The following HCN1 variants were observed in gnomAD, a reference collection of about 807,000 sequenced individuals.
HCN1 encodes potassium/sodium hyperpolarization-activated cyclic nucleotide-gated channel 1.
A neutral mutation model predicts 78.9 loss-of-function variants in HCN1; 13 were observed. The ratio of observed to expected loss-of-function variants is 0.16; its 90% CI spans 0.11 to 0.26. The LOEUF (loss-of-function observed/expected upper bound fraction) is 0.26. HCN1 is among the 10% of genes least tolerant of loss of function. The pLI is 1.00. For synonymous variants in HCN1, 552 were observed against 455.5 expected (o/e 1.21, Z -2.70); for missense variants, 810 against 1,154.3 (o/e 0.70, Z 4.32).
rs1213852490 is a variant in HCN1, at chr5:45,259,850, T to C, written c.*2071A>G. The stretch of plus-strand genomic sequence containing the variant: ...ATAAATTGAAGTTAATTCTCATATT[T>C]TAATAAAATAAAGGAGTTTTGTACT... On this transcript the variant is annotated 3_prime_UTR_variant, in exon 8 of 8. Coordinates refer to ENST00000303230, the MANE Select transcript of HCN1 (RefSeq NM_021072.4). 6.6e-6 allele frequency: 1 copy of C among 152,550 alleles called. No homozygotes were observed. The highest frequency in any genetic ancestry group is 1.5e-5 in the Non-Finnish European group (1 of 67,996). The allele number at this position is 152,550 out of a possible 1,614,324, so 9.4% of individuals were successfully genotyped here. A position where few individuals can be genotyped will look rare whatever the true frequency, so the allele number is the denominator to read the frequency against.
At chr5:45,573,894 G>T (rs1336357370) in intron 2 of HCN1, among the ~76,000 whole-genome samples, 2 of 151,854 alleles carry the variant, frequency 1.3e-5, no homozygotes, top group African/African-American at 4.8e-5. Flanking sequence ...AACAAAAAAA[G>T]ATATTTATTT....
At chr5:45,585,658 A>G (rs1022489866) in intron 2 of HCN1, among the ~76,000 whole-genome samples, 1 of 152,086 alleles carries the variant, frequency 6.6e-6, no homozygotes, top group Admixed American at 6.6e-5. Flanking sequence ...TCATGGTTTT[A>G]TCTACCTGTG....
At chr5:45,500,222 T>C (rs1214047600) in intron 2 of HCN1, among the ~76,000 whole-genome samples, 1 of 152,112 alleles carries the variant, frequency 6.6e-6, no homozygotes, top group Non-Finnish European at 1.5e-5. Context: ...CTAAGACAGG[T>C]AGCCTATGTC....
chr5:45,327,244 A>G (rs1746253645), intron 5 of HCN1, among the ~76,000 whole-genome samples: 1 of 151,704 alleles, frequency 6.6e-6, no homozygotes, highest in East Asian at 1.9e-4. Flanking sequence ...CAATGTCCAG[A>G]AGTATGCTGA....
chr5:45,615,279 T>C (rs547341465), intron 2 of HCN1, among the ~76,000 whole-genome samples: 2 of 152,050 alleles, frequency 1.3e-5, no homozygotes, highest in Non-Finnish European at 2.9e-5. Flanking sequence ...TCATGATCTT[T>C]TGGGAATAGA....
At chr5:45,429,135 T>A (rs1257024812) in intron 3 of HCN1, among the ~76,000 whole-genome samples, 2 of 152,210 alleles carry the variant, frequency 1.3e-5, no homozygotes, top group African/African-American at 4.8e-5. Flanking sequence ...AAGAAGTTAA[T>A]GTGCACTCTG....
chr5:45,695,536 C>T (rs1035726655), intron 1 of HCN1, 133 bp downstream of exon 1: 4 of 863,706 alleles, frequency 4.6e-6, no homozygotes, highest in Non-Finnish European at 3.6e-6. Flanking sequence ...CTGCTTAGCC[C>T]GAGCCGACGC....
At chr5:45,413,053 T>C (rs952461754) in intron 3 of HCN1, among the ~76,000 whole-genome samples, 5 of 152,082 alleles carry the variant, frequency 3.3e-5, no homozygotes, top group Non-Finnish European at 7.4e-5. Context: ...TTTTATTCTC[T>C]AATCGATTAT....
intron 2 of HCN1, among the ~76,000 whole-genome samples, chr5:45,540,939 T>C (rs1743091207): frequency 6.6e-6 from 1 of 152,174 alleles, no homozygotes; most frequent in African/African-American, 2.4e-5. Context: ...GGTGAGAGTA[T>C]GTATTCTATT....
At chr5:45,460,822 A>G (rs1016478280) in intron 3 of HCN1, among the ~76,000 whole-genome samples, 1 of 151,900 alleles carries the variant, frequency 6.6e-6, no homozygotes, top group Non-Finnish European at 1.5e-5. Context: ...TAGAAAACCT[A>G]TGCTACAATC....
At chr5:45,505,278 A>G (rs921073498) in intron 2 of HCN1, among the ~76,000 whole-genome samples, 2 of 152,176 alleles carry the variant, frequency 1.3e-5, no homozygotes, top group Admixed American at 6.5e-5. Flanking sequence ...TAATTTTTGT[A>G]TAAGGTGTAA....
chr5:45,312,689 G>T (rs1579801135), intron 5 of HCN1, among the ~76,000 whole-genome samples: 1 of 152,312 alleles, frequency 6.6e-6, no homozygotes, highest in East Asian at 1.9e-4. Flanking sequence ...TTTTCCAATG[G>T]TCTTAGCAAA....
chr5:45,643,572 T>G (rs1745494727), intron 2 of HCN1: 1 of 152,156 alleles, frequency 6.6e-6, no homozygotes, highest in Non-Finnish European at 1.5e-5. Flanking sequence ...CTATATAGTT[T>G]TGCAGTTAAG....
intron 2 of HCN1, among the ~76,000 whole-genome samples, chr5:45,587,586 T>A (rs1484242862): frequency 6.6e-6 from 1 of 151,198 alleles, no homozygotes; most frequent in Non-Finnish European, 1.5e-5. Context: ...CATTAGGAGA[T>A]ATACCTAATG....
intron 2 of HCN1, among the ~76,000 whole-genome samples, chr5:45,583,455 G>A (rs1441341466): frequency 6.6e-6 from 1 of 151,994 alleles, no homozygotes; most frequent in Admixed American, 6.6e-5. Flanking sequence ...CATCAGTTTT[G>A]TTGATCTTTT....
At chr5:45,462,650 T>C (rs1004717653) in intron 2 of HCN1, among the ~76,000 whole-genome samples, 1 of 152,126 alleles carries the variant, frequency 6.6e-6, no homozygotes, top group Non-Finnish European at 1.5e-5. Flanking sequence ...TGTATTTTTA[T>C]GGTACAGGCT....
intron 1 of HCN1, among the ~76,000 whole-genome samples, chr5:45,671,234 C>A (rs1443668923): frequency 1.3e-5 from 2 of 151,360 alleles, no homozygotes; most frequent in African/African-American, 4.8e-5. Flanking sequence ...TACCCAAATC[C>A]CACCTGTCAT....
intron 4 of HCN1, among the ~76,000 whole-genome samples, chr5:45,383,864 C>CAAAA (rs1747863905): frequency 2.6e-5 from 4 of 152,094 alleles, no homozygotes; most frequent in African/African-American, 9.7e-5. Flanking sequence ...CACAGATTCT[C>CAAAA]TTGCCTTGTT....
chr5:45,469,370 G>C (rs1007905357), intron 2 of HCN1, among the ~76,000 whole-genome samples: 1 of 151,856 alleles, frequency 6.6e-6, no homozygotes, highest in Non-Finnish European at 1.5e-5. Flanking sequence ...AATTTCAATG[G>C]ATTAATACTC....
Sources: gnomAD v4.1 joint callset for allele counts (sites outside exome capture counted in the v4.1 genomes callset) on GRCh38, gnomAD v4.1.1 for gene constraint, MANE v1.5 for transcripts, NCBI Gene and HGNC (gene_info 2026-07-23, HGNC 2026-07-21) for gene names.